Variants in GOLM1 observed in about 807,000 individuals in gnomAD.
The protein encoded by GOLM1 is epididymis luminal protein 46.
GOLM1 carries 31 observed loss-of-function variants against 50.5 expected under a neutral mutation model. That is an observed-to-expected ratio of 0.61 (90% CI 0.46 to 0.83). The LOEUF is 0.83. GOLM1 is among the 40% of genes least tolerant of loss of function. The pLI is 0.00. For synonymous variants in GOLM1, 178 were observed against 192.8 expected, an observed-to-expected ratio of 0.92 and a Z score of 0.64; for missense variants, 491 against 501.3, an observed-to-expected ratio of 0.98 and a Z score of 0.20.
chr9:86,059,700 G>A (rs952963571), intron 3 of GOLM1, among the ~76,000 whole-genome samples: 2 of 151,890 alleles, frequency 1.3e-5, no homozygotes, highest in Non-Finnish European at 2.9e-5. Context: ...TTCGAGACCA[G>A]CCTAGCCAAC....
intron 6 of GOLM1, among the ~76,000 whole-genome samples, chr9:86,039,568 C>T (rs1833263277): frequency 6.6e-6 from 1 of 152,170 alleles, no homozygotes; most frequent in African/African-American, 2.4e-5. Flanking sequence ...GATGAATAAT[C>T]CACATGTGGT....
chr9:86,026,593 G>T lies in GOLM1; in HGVS notation c.*1224C>A. The T allele has an allele frequency of 8.2e-6, 8 of 972,266 alleles. No homozygotes were observed. The highest frequency in any genetic ancestry group is 9.8e-6 in the Non-Finnish European group (8 of 818,058). 60.2% of individuals were successfully genotyped at this position (972,266 alleles called of 1,614,324 possible). On this transcript the variant is annotated 3_prime_UTR_variant, in exon 10 of 10. Transcript: ENST00000388712. Reference sequence around the variant, plus strand: ...GGGCCTTAGCATCTCAAATCCTGTGGATCCTCCTACTTACCCCTTAGAGAG... The same window carrying T: ...GGGCCTTAGCATCTCAAATCCTGTGTATCCTCCTACTTACCCCTTAGAGAG...
At chr9:86,053,518 A>AACGTGCC in intron 3 of GOLM1, among the ~76,000 whole-genome samples, 1 of 81,218 alleles carries the variant, frequency 1.2e-5, no homozygotes, top group East Asian at 2.3e-4. Flanking sequence ...TGCTCCACAC[A>AACGTGCC]ACACACCACT....
intron 1 of GOLM1, among the ~76,000 whole-genome samples, chr9:86,090,970 C>G (rs1185011295): frequency 6.6e-6 from 1 of 152,074 alleles, no homozygotes; most frequent in Admixed American, 6.5e-5. Context: ...TGCACTGTCC[C>G]TCATGGCACA....
chr9:86,094,706 G>C (rs1256431395), intron 1 of GOLM1, among the ~76,000 whole-genome samples: 2 of 152,122 alleles, frequency 1.3e-5, no homozygotes, highest in Admixed American at 1.3e-4. Context: ...GAGGCAGGAG[G>C]ATCACTTGAG....
intron 3 of GOLM1, among the ~76,000 whole-genome samples, chr9:86,054,071 T>C (rs923035901): frequency 7.2e-5 from 11 of 152,174 alleles, no homozygotes; most frequent in Admixed American, 3.3e-4. Flanking sequence ...CTGGAGGGTT[T>C]CACACACAGT....
At chr9:86,082,114 C>T (rs1335933697) in intron 1 of GOLM1, among the ~76,000 whole-genome samples, 49 of 145,952 alleles carry the variant, frequency 3.4e-4, no homozygotes, top group African/African-American at 1.2e-3. Flanking sequence ...CTGCAAGCTC[C>T]GCCTCCCAGG....
intron 9 of GOLM1, among the ~76,000 whole-genome samples, chr9:86,029,934 C>T (rs574309740): frequency 4.7e-4 from 71 of 152,170 alleles, no homozygotes; most frequent in African/African-American, 1.0e-3. Context: ...TGGTTAGAGC[C>T]GGGGTGGTGG....
At chr9:86,089,559 AC>A (rs1835106990) in intron 1 of GOLM1, among the ~76,000 whole-genome samples, 1 of 151,926 alleles carries the variant, frequency 6.6e-6, no homozygotes, top group Non-Finnish European at 1.5e-5. Context: ...GGCTATTGAT[AC>A]TTGCATATGC....
At chr9:86,039,063 C>T (rs571703581) in intron 6 of GOLM1, among the ~76,000 whole-genome samples, 1 of 152,230 alleles carries the variant, frequency 6.6e-6, no homozygotes. Context: ...TATCATATAT[C>T]TTTAATAAAA....
intron 3 of GOLM1, among the ~76,000 whole-genome samples, chr9:86,060,408 CACAA>C (rs905328936): frequency 2.6e-5 from 4 of 152,112 alleles, no homozygotes; most frequent in Non-Finnish European, 4.4e-5. Context: ...CATTCACACA[CACAA>C]ACAACAAGAC....
At chr9:86,098,945 A>T (rs980509296) in intron 1 of GOLM1, among the ~76,000 whole-genome samples, 3 of 152,104 alleles carry the variant, frequency 2.0e-5, no homozygotes, top group Non-Finnish European at 1.5e-5. Context: ...GCTGGAGGGG[A>T]GGAAGAGGCG....
chr9:86,081,875 CGA>C (rs1373009183), intron 1 of GOLM1, among the ~76,000 whole-genome samples: 17 of 148,262 alleles, frequency 1.1e-4, no homozygotes, highest in Non-Finnish European at 1.9e-4. Context: ...GGCGACAGAG[CGA>C]GACTCTGATT....
At chr9:86,077,307 A>G (rs753244648) in intron 3 of GOLM1, 105 bp downstream of exon 3, 1 of 886,392 alleles carries the variant, frequency 1.1e-6, no homozygotes, top group Non-Finnish European at 1.8e-6. Context: ...ACATAATTAC[A>G]TAAATCTAAA....
At position 86,036,544 on chromosome 9, in the gene GOLM1, G is replaced by A. The variant is rs745514413; in HGVS notation, c.598-37C>T. 7 of 1,606,708 alleles carry A rather than the reference G, an allele frequency of 4.4e-6. No homozygotes were observed. In the African/African-American group the frequency reaches 8.1e-5, roughly 19 times the overall value. On this transcript the variant is annotated intron_variant, in intron 6 of 9. Coordinates refer to ENST00000388712, the MANE Select transcript of GOLM1 (RefSeq NM_016548.4). ...GCACAGGACAGCCAGCCAGGGCAGG[G>A]CTCTGTGAACAGAAGCCGTAAAAGA...
In GOLM1 at chr9:86,052,527, C is replaced by T. The variant is rs1833789261; in HGVS notation, c.364+10G>A. ...CCAGTGCCTGGTGTGGAGGAGCGAGCGGAACTTACCTTGCAGCACTCGGAT... is the reference window on the plus strand; with the variant it reads ...CCAGTGCCTGGTGTGGAGGAGCGAGTGGAACTTACCTTGCAGCACTCGGAT... On this transcript the variant is annotated intron_variant, in intron 4 of 9. Coordinates refer to ENST00000388712, the MANE Select transcript of GOLM1 (RefSeq NM_016548.4). 3 of 1,612,740 alleles carry T rather than the reference C, an allele frequency of 1.9e-6. No individual in the cohort carries two copies. The highest frequency in any genetic ancestry group is 1.1e-5 in the South Asian group (1 of 91,066).
intron 3 of GOLM1, among the ~76,000 whole-genome samples, chr9:86,068,413 C>T (rs538522776): frequency 1.5e-4 from 23 of 152,340 alleles, no homozygotes; most frequent in African/African-American, 4.1e-4. Flanking sequence ...AGCTTCCTCC[C>T]GCTGGTCAGG....
intron 6 of GOLM1, among the ~76,000 whole-genome samples, chr9:86,038,569 T>C (rs1305223811): frequency 2.0e-5 from 3 of 152,000 alleles, no homozygotes; most frequent in East Asian, 1.9e-4. Flanking sequence ...AAGAGAAGCA[T>C]AGGGGACATT....
At chr9:86,058,734 C>T (rs963936175) in intron 3 of GOLM1, among the ~76,000 whole-genome samples, 18 of 148,550 alleles carry the variant, frequency 1.2e-4, no homozygotes, top group Admixed American at 1.1e-3. Context: ...AGGTGGCTCA[C>T]GCCTGTAATC....
Sources: allele counts gnomAD v4.1 joint callset (sites outside exome capture counted in the v4.1 genomes callset), GRCh38; gene constraint gnomAD v4.1.1; transcripts MANE v1.5; gene names NCBI Gene and HGNC (gene_info 2026-07-23, HGNC 2026-07-21).